Variants in TMPRSS2 observed in about 807,000 individuals in gnomAD.
TMPRSS2 encodes transmembrane protease serine 2.
Under a neutral mutation model 67.4 loss-of-function variants are expected in TMPRSS2, and 59 were observed. That is an observed-to-expected ratio of 0.88 (90% CI 0.71 to 1.09). The LOEUF (loss-of-function observed/expected upper bound fraction) is 1.09. Ranked by LOEUF, TMPRSS2 falls within the 50% of genes least tolerant of loss-of-function variation. The probability of loss-of-function intolerance (pLI) is 0.00; values close to 1 mark genes in which losing one functional copy is unlikely to be tolerated. For synonymous variants in TMPRSS2, 257 were observed against 257.0 expected, an observed-to-expected ratio of 1.00 and a Z score of 0.00; for missense variants, 668 against 642.7, an observed-to-expected ratio of 1.04 and a Z score of -0.43.
chr21:41,507,057 C>A (rs1044014366), intron 1 of TMPRSS2, among the ~76,000 whole-genome samples: 1 of 152,228 alleles, frequency 6.6e-6, no homozygotes, highest in African/African-American at 2.4e-5. Flanking sequence ...GCCACCAGGG[C>A]GTTCTGAACA....
intron 11 of TMPRSS2, among the ~76,000 whole-genome samples, chr21:41,469,162 A>T (rs1170564077): frequency 6.6e-6 from 1 of 151,996 alleles, no homozygotes; most frequent in African/African-American, 2.4e-5. Flanking sequence ...GGCTTGAAAA[A>T]TGGCACCACC....
At chr21:41,497,786 C>T (rs1401439150) in intron 2 of TMPRSS2, among the ~76,000 whole-genome samples, 4 of 152,208 alleles carry the variant, frequency 2.6e-5, no homozygotes, top group Non-Finnish European at 5.9e-5. Flanking sequence ...GGGTCTCTTC[C>T]CTGGAACATA....
At chr21:41,496,134 G>T (rs779520051) in intron 2 of TMPRSS2, among the ~76,000 whole-genome samples, 1 of 152,220 alleles carries the variant, frequency 6.6e-6, no homozygotes, top group Admixed American at 6.5e-5. Flanking sequence ...CTCAGCTGCC[G>T]CCAGGCTCCT....
rs1022726754 is a variant in TMPRSS2, at chr21:41,508,082, T to C, written c.-58A>G. 3 of 1,264,444 alleles carry C rather than the reference T, an allele frequency of 2.4e-6. No homozygotes were observed. Among genetic ancestry groups the C allele is most frequent in the Non-Finnish European group, 2.0e-6 (2 of 995,328 alleles). The allele number at this position is 1,264,444 out of a possible 1,614,324, so 78.3% of individuals were successfully genotyped here. Reference sequence around the variant, plus strand: ...GACCCTGGTACCGGCGCCGCTCACCTGCCGCGCTCCAGGCGGCGCTCCCCG... The same window carrying C: ...GACCCTGGTACCGGCGCCGCTCACCCGCCGCGCTCCAGGCGGCGCTCCCCG... On this transcript the variant is annotated splice_region_variant and 5_prime_UTR_variant, in exon 1 of 14. Coordinates refer to ENST00000332149, the MANE Select transcript of TMPRSS2 (RefSeq NM_005656.4).
At chr21:41,483,305 C>CT (rs1334306733) in intron 5 of TMPRSS2, among the ~76,000 whole-genome samples, 50 of 150,514 alleles carry the variant, frequency 3.3e-4, no homozygotes, top group African/African-American at 7.8e-4. Context: ...TCTTCTTCTT[C>CT]TTCTTTTTTT....
chr21:41,498,845 T>C (rs531615786), intron 1 of TMPRSS2, among the ~76,000 whole-genome samples: 1 of 152,290 alleles, frequency 6.6e-6, no homozygotes, highest in South Asian at 2.1e-4. Flanking sequence ...AGGGTCCTCA[T>C]GGGAAAACGG....
At position 41,478,124 on chromosome 21, in the gene TMPRSS2, G is replaced by A. The variant is rs1280447354; in HGVS notation, c.683+1048C>T. Among the ~76,000 whole-genome samples the A allele has an allele frequency of 6.6e-6, 1 of 152,256 alleles. No individual in the cohort carries two copies. The highest frequency in any genetic ancestry group is 1.5e-5 in the Non-Finnish European group (1 of 68,050). On this transcript the variant is annotated intron_variant, in intron 7 of 13. Coordinates refer to ENST00000332149, the MANE Select transcript of TMPRSS2 (RefSeq NM_005656.4). The surrounding 1 kb of genome is among the most constrained non-coding windows in gnomAD (Gnocchi z 4.0). ...GGCAGCTGTGTTTAGCTTCTCCACA[G>A]GGACAAACCGCAGCCCTGCTGTTTT...
chr21:41,473,345 T>G lies in TMPRSS2; in HGVS notation c.879A>C (p.Thr293=). ...GSIITPEWIV[T]AAHCVEKPLN... is the part of the protein sequence containing the mutation. ...CATACTTTTCCACGCAGTGGGCGGC[T>G]GTCACGATCCACTCGGGGGTGATGA... The change falls in exon 9 of 14, where the codon ACA becomes ACC. Residue 293 remains threonine, a synonymous_variant. Transcript: ENST00000332149. 5 of 1,604,642 alleles carry G rather than the reference T, an allele frequency of 3.1e-6. No individual in the cohort carries two copies. Among genetic ancestry groups the G allele is most frequent in the Non-Finnish European group, 4.3e-6 (5 of 1,176,294 alleles).
chr21:41,470,872 A>T, intron 10 of TMPRSS2, 129 bp from the exon 11 acceptor site: 1 of 612,846 alleles, frequency 1.6e-6, no homozygotes, highest in Admixed American at 2.9e-5. Context: ...CATCCCAACA[A>T]GTCCCACATT....
chr21:41,502,741 G>T (rs1019921576), intron 1 of TMPRSS2, among the ~76,000 whole-genome samples: 1 of 152,188 alleles, frequency 6.6e-6, no homozygotes, highest in Non-Finnish European at 1.5e-5. Flanking sequence ...TGGCACAAGA[G>T]TTCTACTGAG....
At chr21:41,497,156 T>C (rs1446147774) in intron 2 of TMPRSS2, among the ~76,000 whole-genome samples, 1 of 152,244 alleles carries the variant, frequency 6.6e-6, no homozygotes, top group Non-Finnish European at 1.5e-5. Flanking sequence ...TTGTCTCTTA[T>C]TGACCTCAGA....
Position 41,464,925 on chromosome 21 carries a change from C to T in TMPRSS2, c.*1217G>A, listed in dbSNP as rs564403172. 1.1e-4 allele frequency: 26 copies of T among 233,294 alleles called. No homozygotes were observed. Among genetic ancestry groups the T allele is most frequent in the African/African-American group, 1.8e-4 (8 of 45,464 alleles). 14.5% of individuals were successfully genotyped at this position (233,294 alleles called of 1,614,324 possible). On this transcript the variant is annotated 3_prime_UTR_variant, in exon 14 of 14. Transcript: ENST00000332149. ...GAGGCAGAACCATGGTAGAGTAGTG[C>T]TCATGGTTATGGCACTTGGCAATGC...
At chr21:41,494,247 TCAGA>T in intron 3 of TMPRSS2, 105 bp downstream of exon 3, 1 of 1,163,130 alleles carries the variant, frequency 8.6e-7, no homozygotes, top group South Asian at 1.4e-5. Flanking sequence ...AGGAGAAGGG[TCAGA>T]CCAGGAGAGG....
rs770444484 is a variant in TMPRSS2 at position 41,494,514 on chromosome 21, G to A, written c.80C>T (p.Pro27Leu). The A allele has an allele frequency of 1.7e-5, 27 of 1,613,966 alleles. No homozygotes were observed. The South Asian group carries it at 1.9e-4, about 11-fold the overall frequency. The change falls in exon 3 of 14, where the codon CCC becomes CTC. Residue 27 changes from proline (P) to leucine (L), a missense_variant. Physicochemically the swap from Pro to Leu is moderately conservative, Grantham distance 98. Transcript: ENST00000332149. The part of the protein sequence containing the change: ...NHGYQPENPY[P>L]AQPTVVPTVY... ...AGTGGGGACCACAGTGGGCTGTGCG[G>A]GATAGGGGTTTTCCGGTTGGTATCC... is the stretch of plus-strand genomic sequence containing the variant.
Position 41,476,636 on chromosome 21 carries a change from G to A in TMPRSS2, c.684-16C>T, listed in dbSNP as rs754886975. The A allele has an allele frequency of 2.1e-6, 3 of 1,462,464 alleles. No individual in the cohort carries two copies. In the African/African-American group the frequency reaches 8.4e-5, roughly 41 times the overall value. 90.6% of individuals were successfully genotyped at this position (1,462,464 alleles called of 1,614,324 possible). A position where few individuals can be genotyped will look rare whatever the true frequency, so the allele number is the denominator to read the frequency against. On this transcript the variant is annotated splice_polypyrimidine_tract_variant and intron_variant, in intron 7 of 13. Transcript: ENST00000332149. ...ACAGGCATCACTGCAAAAAGAACAG[G>A]GGAAATTCTGGTCACGATAGTGCGG...
intron 9 of TMPRSS2, among the ~76,000 whole-genome samples, chr21:41,472,582 C>T (rs1326058525): frequency 1.3e-5 from 2 of 152,134 alleles, no homozygotes; most frequent in Non-Finnish European, 2.9e-5. Flanking sequence ...CCTTGGGTAA[C>T]AGCCCTTGCT....
intron 2 of TMPRSS2, among the ~76,000 whole-genome samples, chr21:41,496,115 A>T (rs2091380258): frequency 6.6e-6 from 1 of 152,230 alleles, no homozygotes; most frequent in East Asian, 1.9e-4. Flanking sequence ...AATAGCTAAC[A>T]TTGGAGAACT....
chr21:41,481,243 T>C (rs2091255183), intron 5 of TMPRSS2, among the ~76,000 whole-genome samples: 1 of 146,554 alleles, frequency 6.8e-6, no homozygotes, highest in African/African-American at 2.4e-5. Context: ...TGGAATACGA[T>C]TCAGCCAGAA....
At chr21:41,492,716 T>C (rs956514146) in intron 3 of TMPRSS2, among the ~76,000 whole-genome samples, 9 of 152,266 alleles carry the variant, frequency 5.9e-5, no homozygotes, top group African/African-American at 2.2e-4. Flanking sequence ...GGGACTGATA[T>C]ATCCCTGTCC....
Sources: allele counts gnomAD v4.1 joint callset (sites outside exome capture counted in the v4.1 genomes callset), GRCh38; gene constraint gnomAD v4.1.1; non-coding constraint Gnocchi (gnomAD v3.1); transcripts MANE v1.5; gene names NCBI Gene and HGNC (gene_info 2026-07-23, HGNC 2026-07-21).